Variants in FGF5 observed in about 807,000 individuals in gnomAD.
The protein encoded by FGF5 is fibroblast growth factor 5, also known as heparin-binding growth factor 5.
FGF5 carries 23 observed loss-of-function variants against 21.8 expected under a neutral mutation model. The observed-to-expected ratio is 1.05, with a 90% confidence interval of 0.76 to 1.49. FGF5 has a LOEUF of 1.49. FGF5 is among the 40% of genes most tolerant of loss of function. The pLI, the probability that FGF5 is intolerant of heterozygous loss-of-function variation, is 0.00. For synonymous variants in FGF5, 158 were observed against 124.0 expected, an observed-to-expected ratio of 1.27 and a Z score of -1.82; for missense variants, 352 against 332.9, an observed-to-expected ratio of 1.06 and a Z score of -0.45.
chr4:80,267,123 A>T lies in FGF5; in HGVS notation c.299A>T (p.His100Leu). Residue 100 changes from histidine to leucine, a missense_variant, in exon 1 of 3, where the codon CAT becomes CTT. Physicochemically the swap from His to Leu is moderately conservative, Grantham distance 99. Coordinates refer to ENST00000312465, the MANE Select transcript of FGF5 (RefSeq NM_004464.4). ...SLYCRVGIGFHLQIYPDGKVN... is the reference protein window; with the variant it reads ...SLYCRVGIGFLLQIYPDGKVN... ...TACTGCAGAGTGGGCATCGGTTTCC[A>T]TCTGCAGATCTACCCGGATGGCAAA... is the stretch of plus-strand genomic sequence containing the variant. 7 of 1,613,786 alleles carry T rather than the reference A, an allele frequency of 4.3e-6. No homozygotes were observed. Among genetic ancestry groups the T allele is most frequent in the Non-Finnish European group, 5.9e-6 (7 of 1,179,878 alleles).
Position 80,287,841 on chromosome 4 carries a change from C to A in FGF5, c.*1169C>A, listed in dbSNP as rs1210666235. Reference sequence around the variant, plus strand: ...CTTCCCTTCCTAAAGGTAACCAATCCAGTGAATAGATGTGCCCTTTTATAA... The same window carrying A: ...CTTCCCTTCCTAAAGGTAACCAATCAAGTGAATAGATGTGCCCTTTTATAA... On this transcript the variant is annotated 3_prime_UTR_variant, in exon 3 of 3. Transcript: ENST00000312465. The A allele has an allele frequency of 6.6e-6, 1 of 152,002 alleles. No homozygotes were observed. 9.4% of individuals were successfully genotyped at this position (152,002 alleles called of 1,614,324 possible).
rs1720782451 is a variant in FGF5, at chr4:80,287,912, T to C, written c.*1240T>C. The C allele has an allele frequency of 2.0e-5, 3 of 152,204 alleles. No homozygotes were observed. The highest frequency in any genetic ancestry group is 4.4e-5 in the Non-Finnish European group (3 of 68,030). 9.4% of individuals were successfully genotyped at this position (152,204 alleles called of 1,614,324 possible). Reference sequence around the variant, plus strand: ...AAAAAAACTGGCCTTTTGATAGAGGTAACTTAATTTGGGAATTTGTTGTGT... The same window carrying C: ...AAAAAAACTGGCCTTTTGATAGAGGCAACTTAATTTGGGAATTTGTTGTGT... On this transcript the variant is annotated 3_prime_UTR_variant, in exon 3 of 3. Transcript: ENST00000312465.
chr4:80,284,978 T>C (rs1720667902), intron 2 of FGF5, among the ~76,000 whole-genome samples: 1 of 152,204 alleles, frequency 6.6e-6, no homozygotes, highest in South Asian at 2.1e-4. Context: ...TCCTTGAAAT[T>C]ATGAAACCTG....
At chr4:80,276,747 C>A (rs750085281) in intron 2 of FGF5, among the ~76,000 whole-genome samples, 3 of 141,604 alleles carry the variant, frequency 2.1e-5, no homozygotes, top group African/African-American at 2.6e-5. Flanking sequence ...TGAGTTCTCA[C>A]GAGGGCTGGA....
chr4:80,284,837 A>G (rs540437194), intron 2 of FGF5, among the ~76,000 whole-genome samples: 49 of 152,260 alleles, frequency 3.2e-4, no homozygotes, highest in African/African-American at 1.1e-3. Flanking sequence ...AAAAACAAGG[A>G]AAAAAAGGCC....
intron 2 of FGF5, among the ~76,000 whole-genome samples, chr4:80,284,828 A>T (rs1161197137): frequency 6.6e-6 from 1 of 152,212 alleles, no homozygotes; most frequent in Admixed American, 6.5e-5. Context: ...ATTATTAGAA[A>T]AAACAAGGAA....
chr4:80,282,622 G>A (rs36072276), intron 2 of FGF5, among the ~76,000 whole-genome samples: 2,268 of 152,224 alleles, frequency 0.015, 52 homozygotes, highest in African/African-American at 0.052. Context: ...AAATGAATAT[G>A]AAACTTTTTA....
At chr4:80,270,733 T>A (rs10518238) in intron 1 of FGF5, among the ~76,000 whole-genome samples, 11,814 of 152,216 alleles carry the variant, frequency 0.078, 1,043 homozygotes, top group African/African-American at 0.22. Context: ...ATCAAGTAGT[T>A]GTCAGTTTAG....
chr4:80,281,039 G>A (rs1425561450), intron 2 of FGF5, among the ~76,000 whole-genome samples: 2 of 152,076 alleles, frequency 1.3e-5, no homozygotes, highest in East Asian at 1.9e-4. Flanking sequence ...TGTGTATTTT[G>A]TTGGTTGCTC....
In FGF5 at chr4:80,275,019, A is replaced by G; in HGVS notation, c.459+7A>G. 1 of 1,275,344 alleles carries G rather than the reference A, an allele frequency of 7.8e-7. No individual in the cohort carries two copies. The highest frequency in any genetic ancestry group is 1.1e-6 in the Non-Finnish European group (1 of 888,352). The allele number at this position is 1,275,344 out of a possible 1,614,324, so 79.0% of individuals were successfully genotyped here. A position where few individuals can be genotyped will look rare whatever the true frequency, so the allele number is the denominator to read the frequency against. ...AGGAAAACTCCATGCAAGTGTAAGT[A>G]GAACCACTTTATATTTGTTAAAGGT... On this transcript the variant is annotated splice_region_variant and intron_variant, in intron 2 of 2. Coordinates refer to ENST00000312465, the MANE Select transcript of FGF5 (RefSeq NM_004464.4).
At chr4:80,279,804 A>G (rs1221226263) in intron 2 of FGF5, among the ~76,000 whole-genome samples, 1 of 152,232 alleles carries the variant, frequency 6.6e-6, no homozygotes, top group African/African-American at 2.4e-5. Flanking sequence ...AGAGAGAAGC[A>G]TGTGGTGGAA....
Position 80,286,641 on chromosome 4 carries a change from T to G in FGF5, c.776T>G (p.Val259Gly), listed in dbSNP as rs774924885. 4 of 1,613,904 alleles carry G rather than the reference T, an allele frequency of 2.5e-6. No homozygotes were observed. The highest frequency in any genetic ancestry group is 3.4e-6 in the Non-Finnish European group (4 of 1,179,920). ...GCACCTCGGAAAAATACCAACTCAG[T>G]GAAATACAGACTCAAGTTTCGCTTT... ...LSAPRKNTNS[V>G]KYRLKFRFG Residue 259 changes from valine to glycine, a missense_variant, in exon 3 of 3, where the codon GTG (valine) becomes GGG (glycine). By Grantham distance (109) the Val-to-Gly change is moderately radical. Coordinates refer to ENST00000312465, the MANE Select transcript of FGF5 (RefSeq NM_004464.4).
At chr4:80,277,675 C>T (rs866490734) in intron 2 of FGF5, among the ~76,000 whole-genome samples, 21 of 151,984 alleles carry the variant, frequency 1.4e-4, no homozygotes, top group Admixed American at 1.4e-3. Context: ...AACTCATAGA[C>T]TTTTAGGATT....
Position 80,275,012 on chromosome 4 carries a change from TG to T in FGF5, c.459+1del, listed in dbSNP as rs587777579. On this transcript the variant is annotated splice_donor_variant, in intron 2 of 2. Transcript: ENST00000312465. LOFTEE classifies it high-confidence loss of function. ...CAAAAAAAGGAAAACTCCATGCAAG[TG>T]TAAGTAGAACCACTTTATATTTGTT... The T allele has an allele frequency of 5.0e-6, 7 of 1,398,054 alleles. No homozygotes were observed. The South Asian group carries it at 7.3e-5, about 15-fold the overall frequency. The allele number at this position is 1,398,054 out of a possible 1,614,324, so 86.6% of individuals were successfully genotyped here.
In FGF5 at chr4:80,272,533, T is replaced by C. The variant is rs35296545; in HGVS notation, c.356-2376T>C. 3.4e-3 allele frequency among the ~76,000 whole-genome samples: 524 copies of C among 152,264 alleles called. 4 individuals carry two copies. The highest frequency in any genetic ancestry group is 0.012 in the African/African-American group (501 of 41,576). Reference sequence around the variant, plus strand: ...TTTAAGCAAAGCAGTAGTATTTCTATTAAAACAAATATTTATAAAGCCTTT... The same window carrying C: ...TTTAAGCAAAGCAGTAGTATTTCTACTAAAACAAATATTTATAAAGCCTTT... On this transcript the variant is annotated intron_variant, in intron 1 of 2. Transcript: ENST00000312465.
At chr4:80,275,675 T>C (rs1720391419) in intron 2 of FGF5, among the ~76,000 whole-genome samples, 1 of 152,088 alleles carries the variant, frequency 6.6e-6, no homozygotes, top group Non-Finnish European at 1.5e-5. Flanking sequence ...TGCTTTGTTA[T>C]GAAAGTTCCC....
At chr4:80,278,589 C>T (rs897883885) in intron 2 of FGF5, among the ~76,000 whole-genome samples, 2 of 152,152 alleles carry the variant, frequency 1.3e-5, no homozygotes, top group Admixed American at 6.5e-5. Context: ...CTGCCATAGA[C>T]ACAAATATGG....
At chr4:80,273,473 T>C (rs1386675941) in intron 1 of FGF5, among the ~76,000 whole-genome samples, 2 of 152,142 alleles carry the variant, frequency 1.3e-5, no homozygotes, top group Non-Finnish European at 2.9e-5. Context: ...ATAAAGTTAC[T>C]CACATATATT....
rs34146877 is a variant in FGF5 at position 80,282,785 on chromosome 4, GT to G, written c.460-3532del. 6.0e-4 allele frequency among the ~76,000 whole-genome samples: 91 copies of G among 151,296 alleles called. 1 individual carries two copies. Among genetic ancestry groups the G allele is most frequent in the African/African-American group, 2.0e-3 (84 of 41,206 alleles). Reference sequence around the variant, plus strand: ...TAGAAAAAGTCTGTTAATTTCAGGGGTTTTTTTTCTAGAAAAATAATGGAGT... The same window carrying G: ...TAGAAAAAGTCTGTTAATTTCAGGGGTTTTTTTCTAGAAAAATAATGGAGT... On this transcript the variant is annotated intron_variant, in intron 2 of 2. Coordinates refer to ENST00000312465, the MANE Select transcript of FGF5 (RefSeq NM_004464.4).
Sources: gnomAD v4.1 joint callset for allele counts (sites outside exome capture counted in the v4.1 genomes callset) on GRCh38, gnomAD v4.1.1 for gene constraint, MANE v1.5 for transcripts, NCBI Gene and HGNC (gene_info 2026-07-23, HGNC 2026-07-21) for gene names.